Variants in ZDHHC11 observed in about 807,000 individuals in gnomAD.
The protein encoded by ZDHHC11 is palmitoyltransferase ZDHHC11.
In ZDHHC11, 44 loss-of-function variants were observed where a neutral mutation model predicts 51.3. The observed-to-expected ratio is 0.86, with a 90% CI of 0.67 to 1.10. ZDHHC11 has a LOEUF of 1.10. ZDHHC11 is among the 50% of genes least tolerant of loss of function. ZDHHC11 has a pLI of 0.00. For missense variants in ZDHHC11, 400 were observed against 537.7 expected (o/e 0.74, Z 2.53); for synonymous variants, 163 against 222.0 (o/e 0.73, Z 2.36).
intron 4 of ZDHHC11, 51 bp from the exon 5 acceptor site, chr5:840,701 A>G (rs1744699546): frequency 1.2e-6 from 2 of 1,609,792 alleles, no homozygotes; most frequent in East Asian, 4.5e-5. Flanking sequence ...GACGGGTGCC[A>G]CATCAGGTGG....
intron 5 of ZDHHC11, chr5:840,013 T>A (rs1181821551): frequency 1.7e-6 from 1 of 584,134 alleles, no homozygotes. Flanking sequence ...CGCCTACCGC[T>A]GTGCCCACTG....
intron 1 of ZDHHC11, among the ~76,000 whole-genome samples, chr5:858,647 T>C (rs1483774567): frequency 6.6e-6 from 1 of 152,118 alleles, no homozygotes; most frequent in East Asian, 1.9e-4. Flanking sequence ...CAGCCACGCT[T>C]TTTCCATGGG....
rs777155460 is a variant in ZDHHC11, at chr5:850,476, C to G, written c.127G>C (p.Val43Leu). The G allele has an allele frequency of 6.2e-7, 1 of 1,613,654 alleles. No individual in the cohort carries two copies. The highest frequency in any genetic ancestry group is 1.3e-5 in the African/African-American group (1 of 75,070). The change falls in exon 1 of 13, where the codon GTG becomes CTG. Residue 43 changes from valine to leucine, a missense_variant. Val to Leu is a conservative substitution (Grantham distance 32, BLOSUM62 1). This residue lies in a region of ZDHHC11 where 119 missense variants were observed against 99.6 expected (regional missense o/e 1.20). Transcript: ENST00000283441. ...CCCACGAAGACAGCCCAGGTCACCA[C>G]CTGGAAGTAGTGCAGGGGTAACGAC... is the stretch of plus-strand genomic sequence containing the variant. ...GWSLPLHYFQVVTWAVFVGLS... is the reference protein window; with the variant it reads ...GWSLPLHYFQLVTWAVFVGLS...
At chr5:816,478 G>T in intron 10 of ZDHHC11, 1 of 492,888 alleles carries the variant, frequency 2.0e-6, no homozygotes, top group East Asian at 5.5e-5. Flanking sequence ...TGATATGCCT[G>T]GAAAAACGGA....
intron 9 of ZDHHC11, among the ~76,000 whole-genome samples, chr5:820,652 G>A (rs1326791451): frequency 6.6e-6 from 1 of 151,306 alleles, no homozygotes; most frequent in East Asian, 1.9e-4. Context: ...CTGCCTCTCT[G>A]TGGGGGCTGT....
intron 7 of ZDHHC11, among the ~76,000 whole-genome samples, chr5:833,133 A>C (rs1257159941): frequency 8.5e-5 from 13 of 152,338 alleles, no homozygotes; most frequent in South Asian, 2.1e-4. Context: ...TCTCATAGTG[A>C]GAAGAGCGAC....
rs1327600458 is a variant in ZDHHC11, at chr5:796,391, G to A, written c.*197C>T. On this transcript the variant is annotated 3_prime_UTR_variant, in exon 13 of 13. Coordinates refer to ENST00000283441, the MANE Select transcript of ZDHHC11 (RefSeq NM_024786.3). ...GTGTGATGAAGATGATGACAGAGAT[G>A]GATGCTGGGCTCTGAGGGTCCTGGT... The A allele has an allele frequency of 2.6e-5, 4 of 151,158 alleles. No individual in the cohort carries two copies. Among genetic ancestry groups the A allele is most frequent in the Non-Finnish European group, 5.9e-5 (4 of 67,422 alleles). 9.4% of individuals were successfully genotyped at this position (151,158 alleles called of 1,614,324 possible).
intron 1 of ZDHHC11, among the ~76,000 whole-genome samples, chr5:857,552 C>T (rs79771056): frequency 4.0e-5 from 6 of 148,910 alleles, no homozygotes; most frequent in African/African-American, 1.2e-4. Context: ...TCCTGGTCCC[C>T]GTCCTATCTT....
chr5:846,123 C>T (rs1258575427), intron 3 of ZDHHC11, among the ~76,000 whole-genome samples: 17 of 150,528 alleles, frequency 1.1e-4, no homozygotes, highest in African/African-American at 4.2e-4. Flanking sequence ...GGTGGGTCTC[C>T]CCGGCCCCTA....
At chr5:821,976 C>A in intron 8 of ZDHHC11, 81 bp from the exon 9 acceptor site, 2 of 1,262,202 alleles carry the variant, frequency 1.6e-6, no homozygotes, top group South Asian at 2.7e-5. Context: ...CATTTCTAGT[C>A]AGTTCTGACA....
upstream of ZDHHC11, among the ~76,000 whole-genome samples, chr5:853,718 A>C (rs190454271): frequency 1.3e-5 from 2 of 150,600 alleles, no homozygotes; most frequent in East Asian, 4.0e-4. Flanking sequence ...GACAGACCCC[A>C]CAGAGGACAG....
rs1381281484 is a variant in ZDHHC11, at chr5:825,193, C to T, written c.994G>A (p.Val332Ile). The change falls in exon 8 of 13, where the codon GTA (valine) becomes ATA (isoleucine). Residue 332 changes from valine (V) to isoleucine (I), a missense_variant. By Grantham distance (29) the Val-to-Ile change is conservative (BLOSUM62 3). Around this residue, in one of 5 missense-constraint regions of ZDHHC11, gnomAD observed 231 missense variants for 227.4 expected, o/e 1.02. Coordinates refer to ENST00000283441, the MANE Select transcript of ZDHHC11 (RefSeq NM_024786.3). ...HKHLCHFCTS[V>I]NQDGDSTARE... ...GCCGTCGAATCCCCATCCTGGTTTA[C>T]TGAAGTGCAGAAGTGACATAAGTGC... is the stretch of plus-strand genomic sequence containing the variant. 14 of 1,612,788 alleles carry T rather than the reference C, an allele frequency of 8.7e-6. No homozygotes were observed.
intron 11 of ZDHHC11, among the ~76,000 whole-genome samples, chr5:801,782 A>G (rs1426580656): frequency 2.0e-5 from 3 of 151,220 alleles, no homozygotes; most frequent in African/African-American, 4.9e-5. Flanking sequence ...CACCAGAAAC[A>G]CGCAAAATTT....
intron 3 of ZDHHC11, among the ~76,000 whole-genome samples, chr5:845,646 G>A (rs1415762331): frequency 2.0e-5 from 3 of 151,918 alleles, no homozygotes; most frequent in Non-Finnish European, 4.4e-5. Context: ...CCTCCCCATG[G>A]GGGCTCCGCC....
upstream of ZDHHC11, among the ~76,000 whole-genome samples, chr5:852,921 G>A (rs1377938849): frequency 6.7e-5 from 10 of 148,474 alleles, no homozygotes; most frequent in African/African-American, 2.5e-4. Context: ...ACCCCGCGGA[G>A]GACAGCGAGC....
chr5:857,877 C>CAA (rs1458337423), intron 1 of ZDHHC11, among the ~76,000 whole-genome samples: 3 of 151,144 alleles, frequency 2.0e-5, no homozygotes, highest in East Asian at 2.0e-4. Flanking sequence ...GTCCTGGTCC[C>CAA]CGTCCTGTCT....
chr5:850,483 G>A lies in ZDHHC11; in HGVS notation c.120C>T (p.Tyr40=), dbSNP rs1310660668. ...AGACAGCCCAGGTCACCACCTGGAAGTAGTGCAGGGGTAACGACCAGCCGT... is the reference window on the plus strand; with the variant it reads ...AGACAGCCCAGGTCACCACCTGGAAATAGTGCAGGGGTAACGACCAGCCGT... ...RVNGWSLPLH[Y]FQVVTWAVFV... Residue 40 remains tyrosine, a synonymous_variant, in exon 1 of 13, where the codon TAC becomes TAT. Transcript: ENST00000283441. 1 of 1,613,698 alleles carries A rather than the reference G, an allele frequency of 6.2e-7. No homozygotes were observed. The highest frequency in any genetic ancestry group is 8.5e-7 in the Non-Finnish European group (1 of 1,180,022).
intron 7 of ZDHHC11, among the ~76,000 whole-genome samples, chr5:829,461 AACTCTTAACAG>A (rs1487756636): frequency 1.2e-4 from 18 of 151,978 alleles, no homozygotes; most frequent in Non-Finnish European, 4.4e-5. Context: ...AAGAAATAGA[AACTCTTAACAG>A]ACTAATAACA....
At chr5:819,378 C>T (rs774521132) in intron 10 of ZDHHC11, 147 bp downstream of exon 10, 10 of 803,026 alleles carry the variant, frequency 1.2e-5, no homozygotes, top group Admixed American at 2.2e-5. Flanking sequence ...CTGTGCTCCA[C>T]CCACCATCAT....
Sources: gnomAD v4.1 joint callset for allele counts (sites outside exome capture counted in the v4.1 genomes callset) on GRCh38, gnomAD v4.1.1 for gene constraint, gnomAD v4.1.1 regional missense constraint, MANE v1.5 for transcripts, NCBI Gene and HGNC (gene_info 2026-07-23, HGNC 2026-07-21) for gene names.